Variants in ATP6V1E2 observed in about 807,000 individuals in gnomAD.
ATP6V1E2 encodes V-type proton ATPase subunit E 2.
For missense variants in ATP6V1E2, 308 were observed against 273.3 expected, an observed-to-expected ratio of 1.13 and a Z score of -0.90; for synonymous variants, 121 against 104.2, an observed-to-expected ratio of 1.16 and a Z score of -0.98.
At chr2:46,538,261 G>A (rs1351982213) in intron 2 of ATP6V1E2, among the ~76,000 whole-genome samples, 2 of 152,114 alleles carry the variant, frequency 1.3e-5, no homozygotes, top group Non-Finnish European at 2.9e-5. Context: ...CAAATGACAG[G>A]TCCAAGCTTG....
At chr2:46,534,671 C>CGGAT (rs1558669345) in intron 4 of ATP6V1E2, 1 of 152,124 alleles carries the variant, frequency 6.6e-6, no homozygotes, top group East Asian at 1.9e-4. Flanking sequence ...ACGGTAGTAG[C>CGGAT]GGATGAACTT....
intron 4 of ATP6V1E2, among the ~76,000 whole-genome samples, chr2:46,520,130 C>T (rs1377485575): frequency 6.6e-6 from 1 of 152,218 alleles, no homozygotes; most frequent in African/African-American, 2.4e-5. Flanking sequence ...CTTGTGTCCC[C>T]TCCCTGCACT....
chr2:46,515,524 G>C (rs527497886), intron 4 of ATP6V1E2, among the ~76,000 whole-genome samples: 1 of 152,052 alleles, frequency 6.6e-6, no homozygotes, highest in African/African-American at 2.4e-5. Flanking sequence ...AATGTGAAAA[G>C]AATTGAAGTA....
intron 4 of ATP6V1E2, among the ~76,000 whole-genome samples, chr2:46,521,455 G>T (rs1456786067): frequency 6.6e-6 from 1 of 152,158 alleles, no homozygotes; most frequent in Non-Finnish European, 1.5e-5. Context: ...ATGTGTCTGG[G>T]TGTGTGCTTC....
At position 46,535,325 on chromosome 2, in the gene ATP6V1E2, A is replaced by G. The variant is rs1415220172; in HGVS notation, c.-102+488T>C. 1.3e-5 allele frequency: 2 copies of G among 152,236 alleles called. No individual in the cohort carries two copies. Among genetic ancestry groups the G allele is most frequent in the African/African-American group, 4.8e-5 (2 of 41,456 alleles). The allele number at this position is 152,236 out of a possible 1,614,324, so 9.4% of individuals were successfully genotyped here. ...TACTCCCTCTACATGAAGCACATTA[A>G]TAAAGTGATCTGCTTCTCCAGTCTC... is the stretch of plus-strand genomic sequence containing the variant. On this transcript the variant is annotated intron_variant, in intron 4 of 4. Transcript: ENST00000522587. The surrounding 1 kb of genome is among the most constrained non-coding windows in gnomAD (Gnocchi z 4.4).
chr2:46,540,325 G>T (rs1263129738), intron 2 of ATP6V1E2, among the ~76,000 whole-genome samples: 1 of 151,938 alleles, frequency 6.6e-6, no homozygotes, highest in Admixed American at 6.6e-5. Flanking sequence ...GGAGGCTGAG[G>T]CTGGAGAATC....
chr2:46,542,171 C>A (rs1219602836), intron 1 of ATP6V1E2, 46 bp downstream of exon 1: 1 of 151,330 alleles, frequency 6.6e-6, no homozygotes, highest in Non-Finnish European at 1.5e-5. Flanking sequence ...AGCTCAAGGA[C>A]CGCCACCACC....
chr2:46,515,138 A>G (rs1470563149), intron 4 of ATP6V1E2, among the ~76,000 whole-genome samples: 1 of 152,234 alleles, frequency 6.6e-6, no homozygotes, highest in African/African-American at 2.4e-5. Flanking sequence ...ACTAAATGGA[A>G]TCTTTCTATT....
chr2:46,533,410 C>T (rs1667286997), intron 4 of ATP6V1E2, among the ~76,000 whole-genome samples: 1 of 151,884 alleles, frequency 6.6e-6, no homozygotes, highest in Admixed American at 6.6e-5. Context: ...GTAGCTGGGA[C>T]TATAGGAGTG....
rs543622321 is a variant in ATP6V1E2, at chr2:46,537,538, A to C, written c.-309-835T>G. On this transcript the variant is annotated intron_variant, in intron 2 of 4. Coordinates refer to ENST00000522587, the MANE Select transcript of ATP6V1E2 (RefSeq NM_001318063.2). ...CCATTTTGCTTCCAGGAAAGAAGGT[A>C]TGCTGAGTAGAAAGTTGACTCATAG... The C allele has an allele frequency of 9.9e-5, 15 of 152,222 alleles. No individual in the cohort carries two copies. The East Asian group carries it at 2.9e-3, about 29-fold the overall frequency. The allele number at this position is 152,222 out of a possible 1,614,324, so 9.4% of individuals were successfully genotyped here. A position where few individuals can be genotyped will look rare whatever the true frequency, so the allele number is the denominator to read the frequency against.
intron 4 of ATP6V1E2, among the ~76,000 whole-genome samples, chr2:46,516,180 TTACAGACATA>T (rs931174214): frequency 2.1e-4 from 32 of 152,180 alleles, no homozygotes; most frequent in African/African-American, 7.5e-4. Flanking sequence ...CAAATGGACC[TTACAGACATA>T]TATGCAGAGC....
rs550549386 is a variant in ATP6V1E2, at chr2:46,530,977, G to A, written c.-102+4836C>T. 1.8e-3 allele frequency among the ~76,000 whole-genome samples: 279 copies of A among 152,336 alleles called. No individual in the cohort carries two copies. The highest frequency in any genetic ancestry group is 6.4e-3 in the African/African-American group (267 of 41,574). On this transcript the variant is annotated intron_variant, in intron 4 of 4. Transcript: ENST00000522587. The surrounding 1 kb of genome is among the most constrained non-coding windows in gnomAD (Gnocchi z 5.2). ...CAATTCAAGATGAGATTTGGGTGAG[G>A]ACACAGCCAAACCATATTACCTGAC...
intron 4 of ATP6V1E2, among the ~76,000 whole-genome samples, chr2:46,513,724 C>T (rs570352452): frequency 1.3e-5 from 2 of 152,218 alleles, no homozygotes; most frequent in East Asian, 3.9e-4. Flanking sequence ...ACTCAGGGGG[C>T]TGAGGCAGGA....
chr2:46,539,464 C>T (rs1029273397), intron 2 of ATP6V1E2, among the ~76,000 whole-genome samples: 1 of 152,240 alleles, frequency 6.6e-6, no homozygotes, highest in African/African-American at 2.4e-5. Flanking sequence ...ATGAACGCAG[C>T]CTTGAGCTGG....
Position 46,512,252 on chromosome 2 carries a change from C to G in ATP6V1E2, c.460G>C (p.Glu154Gln). The G allele has an allele frequency of 6.2e-7, 1 of 1,613,618 alleles. No individual in the cohort carries two copies. The highest frequency in any genetic ancestry group is 1.1e-5 in the South Asian group (1 of 90,972). ...VEAAVQKAIP[E>Q]YMTISQKHVE... Reference sequence around the variant, plus strand: ...TGTTTCTGGGAAATTGTCATGTACTCGGGGATGGCTTTTTGTACAGCAGCC... The same window carrying G: ...TGTTTCTGGGAAATTGTCATGTACTGGGGGATGGCTTTTTGTACAGCAGCC... Residue 154 changes from glutamate to glutamine, a missense_variant, in exon 5 of 5, where the codon GAG (glutamate) becomes CAG (glutamine). By Grantham distance (29) the Glu-to-Gln change is conservative. Transcript: ENST00000522587.
chr2:46,536,333 A>T (rs549313636), intron 3 of ATP6V1E2, among the ~76,000 whole-genome samples: 1 of 152,344 alleles, frequency 6.6e-6, no homozygotes, highest in Admixed American at 6.5e-5. Flanking sequence ...GGAACCAGTG[A>T]CCTTTAAGAA....
chr2:46,524,262 GTTT>G (rs1180658300), intron 4 of ATP6V1E2, among the ~76,000 whole-genome samples: 1 of 152,118 alleles, frequency 6.6e-6, no homozygotes, highest in East Asian at 1.9e-4. Context: ...GTAGGGGATG[GTTT>G]GAGACCTTCC....
intron 4 of ATP6V1E2, among the ~76,000 whole-genome samples, chr2:46,513,789 T>A (rs1572696506): frequency 6.6e-6 from 1 of 151,574 alleles, no homozygotes; most frequent in East Asian, 2.0e-4. Flanking sequence ...CGCGCCACTG[T>A]ACTTGAGCCT....
intron 4 of ATP6V1E2, among the ~76,000 whole-genome samples, chr2:46,518,490 AACACACACACACACACAC>A (rs10546147): frequency 4.3e-5 from 6 of 140,910 alleles, no homozygotes; most frequent in Admixed American, 1.4e-4. Flanking sequence ...ACACACACAC[AACACACACACACACACAC>A]ACACACACAC....
Sources: gnomAD v4.1 joint callset for allele counts (sites outside exome capture counted in the v4.1 genomes callset) on GRCh38, gnomAD v4.1.1 for gene constraint, Gnocchi (gnomAD v3.1) non-coding constraint, MANE v1.5 for transcripts, NCBI Gene and HGNC (gene_info 2026-07-23, HGNC 2026-07-21) for gene names.